ATP8B1: variants seen among roughly 807,000 people sequenced by gnomAD.
ATP8B1 encodes the protein phospholipid-transporting ATPase IC.
Under a neutral mutation model 149.9 loss-of-function variants are expected in ATP8B1, and 80 were observed. The ratio of observed to expected loss-of-function variants is 0.53; its 90% CI spans 0.45 to 0.64. ATP8B1 has a LOEUF of 0.64. Ranked by LOEUF, ATP8B1 falls within the 30% of genes least tolerant of loss-of-function variation. The probability of loss-of-function intolerance (pLI) is 0.00; values close to 1 mark genes in which losing one functional copy is unlikely to be tolerated. For synonymous variants in ATP8B1, 536 were observed against 562.8 expected, an observed-to-expected ratio of 0.95 and a Z score of 0.67; for missense variants, 1,247 against 1,552.6, an observed-to-expected ratio of 0.80 and a Z score of 3.31.
At chr18:57,667,361 TG>T (rs1910932666) in intron 19 of ATP8B1, 194 bp from the exon 20 acceptor site, 1 of 572,556 alleles carries the variant, frequency 1.7e-6, no homozygotes, top group Non-Finnish European at 3.1e-6. Flanking sequence ...CCCAAGTAGC[TG>T]GGACTACGCA....
chr18:57,664,811 C>G (rs1454623760), intron 20 of ATP8B1, among the ~76,000 whole-genome samples: 3 of 152,128 alleles, frequency 2.0e-5, no homozygotes, highest in African/African-American at 7.2e-5. Flanking sequence ...TGTGATTTGC[C>G]TGCTGCAGGT....
chr18:57,681,496 A>G (rs977907188), intron 15 of ATP8B1, among the ~76,000 whole-genome samples: 2 of 152,138 alleles, frequency 1.3e-5, no homozygotes, highest in Non-Finnish European at 2.9e-5. Context: ...TTCACTACAG[A>G]GTAGCAGAAA....
rs1267956118 is a variant in ATP8B1, at chr18:57,648,600, C to T, written c.3644G>A (p.Arg1215Gln). 7 of 1,610,972 alleles carry T rather than the reference C, an allele frequency of 4.3e-6. No individual in the cohort carries two copies. In the African/African-American group the frequency reaches 5.3e-5, roughly 12 times the overall value. ...RRSAYAFSHQ[R>Q]GYADLISSGR... ...GGAGGAGATGAGGTCCGCGTAGCCC[C>T]GCTGGTGCGAGAAGGCGTAGGCCGA... The change falls in exon 28 of 28, where the codon CGG (arginine) becomes CAG (glutamine). Residue 1215 changes from arginine (R) to glutamine (Q), a missense_variant. This residue lies in a region of ATP8B1 where 164 missense variants were observed against 160.3 expected (regional missense o/e 1.02). Transcript: ENST00000648908.
intron 4 of ATP8B1, 41 bp downstream of exon 4, chr18:57,704,514 C>A: frequency 7.8e-7 from 1 of 1,283,548 alleles, no homozygotes; most frequent in South Asian, 1.2e-5. Context: ...GTTATCGAGT[C>A]ACTATAATTC....
At chr18:57,709,841 G>A (rs113165423) in intron 2 of ATP8B1, among the ~76,000 whole-genome samples, 4,122 of 151,614 alleles carry the variant, frequency 0.027, 180 homozygotes, top group African/African-American at 0.092. Flanking sequence ...CACCACGCCC[G>A]GCTAATTTTT....
In ATP8B1 at chr18:57,762,392, G is replaced by GC. The variant is rs572469900; in HGVS notation, c.-25-30561dup. ...GACCTCAAGTGATCTGCCCGCGTCAGCCCCCCGAAGTGCTGAGATTACAGG... is the reference window on the plus strand; with the variant it reads ...GACCTCAAGTGATCTGCCCGCGTCAGCCCCCCCGAAGTGCTGAGATTACAGG... On this transcript the variant is annotated intron_variant, in intron 1 of 27. Coordinates refer to ENST00000648908, the MANE Select transcript of ATP8B1 (RefSeq NM_001374385.1). Among the ~76,000 whole-genome samples the GC allele has an allele frequency of 8.2e-3, 1,246 of 152,180 alleles. 21 individuals are homozygous for GC. The highest frequency in any genetic ancestry group is 0.028 in the African/African-American group (1,156 of 41,524).
chr18:57,650,595 C>T, intron 26 of ATP8B1, 98 bp from the exon 27 acceptor site: 2 of 1,480,178 alleles, frequency 1.4e-6, no homozygotes, highest in South Asian at 2.3e-5. Flanking sequence ...GTAATCCTAA[C>T]ACTTTGAGAG....
chr18:57,732,726 C>CT (rs2079799514), intron 1 of ATP8B1, among the ~76,000 whole-genome samples: 1 of 152,084 alleles, frequency 6.6e-6, no homozygotes, highest in Non-Finnish European at 1.5e-5. Context: ...CCACGCCCGG[C>CT]TAATTTTTGT....
chr18:57,686,604 A>AC (rs1912263361), intron 13 of ATP8B1, among the ~76,000 whole-genome samples: 1 of 152,138 alleles, frequency 6.6e-6, no homozygotes, highest in Admixed American at 6.5e-5. Flanking sequence ...TACTTTTAGT[A>AC]GAGATGGGGT....
chr18:57,791,070 G>C (rs1392070511), intron 1 of ATP8B1, among the ~76,000 whole-genome samples: 1 of 152,040 alleles, frequency 6.6e-6, no homozygotes, highest in Non-Finnish European at 1.5e-5. Context: ...TTCTGCAATT[G>C]CTACCACCAC....
chr18:57,653,282 CTTTTTTTTT>C (rs199543849), intron 24 of ATP8B1, among the ~76,000 whole-genome samples: 1 of 114,470 alleles, frequency 8.7e-6, no homozygotes, highest in African/African-American at 3.2e-5. Flanking sequence ...CTTTTCTTTT[CTTTTTTTTT>C]TTTTTTTTTT....
At chr18:57,691,688 A>AT in intron 12 of ATP8B1, 119 bp downstream of exon 12, 1 of 1,304,550 alleles carries the variant, frequency 7.7e-7, no homozygotes, top group Non-Finnish European at 1.0e-6. Context: ...AATGAACGTG[A>AT]TTTTCTTACC....
At chr18:57,785,984 C>T (rs1223832948) in intron 1 of ATP8B1, among the ~76,000 whole-genome samples, 1 of 152,144 alleles carries the variant, frequency 6.6e-6, no homozygotes, top group Non-Finnish European at 1.5e-5. Flanking sequence ...ATTATTGGTT[C>T]GATGTTGTTC....
chr18:57,699,466 G>T (rs1435144295), intron 6 of ATP8B1, among the ~76,000 whole-genome samples: 3 of 152,016 alleles, frequency 2.0e-5, no homozygotes, highest in African/African-American at 4.8e-5. Flanking sequence ...GCCGGGCCCG[G>T]TGGCTCACGC....
chr18:57,721,212 C>G (rs1324256192), intron 2 of ATP8B1, among the ~76,000 whole-genome samples: 1 of 139,522 alleles, frequency 7.2e-6, no homozygotes, highest in Non-Finnish European at 1.6e-5. Flanking sequence ...CACCAGCTAA[C>G]ATCATAATGA....
rs1176183408 is a variant in ATP8B1 at position 57,784,460 on chromosome 18, A to T, written c.-26+18538T>A. 6.6e-6 allele frequency among the ~76,000 whole-genome samples: 1 copy of T among 152,128 alleles called. No individual in the cohort carries two copies. The highest frequency in any genetic ancestry group is 6.6e-5 in the Admixed American group (1 of 15,256). Reference sequence around the variant, plus strand: ...AGCGGAGATAGAGGTTATCAGGTGGAGTCAAGGTCTTCCAGAGGTAGAAGC... The same window carrying T: ...AGCGGAGATAGAGGTTATCAGGTGGTGTCAAGGTCTTCCAGAGGTAGAAGC... On this transcript the variant is annotated intron_variant, in intron 1 of 27. Coordinates refer to ENST00000648908, the MANE Select transcript of ATP8B1 (RefSeq NM_001374385.1). This position sits in a 1 kb window ranked among gnomAD's most constrained non-coding sequence, Gnocchi z 4.4.
At chr18:57,728,296 T>A (rs2079728387) in intron 2 of ATP8B1, among the ~76,000 whole-genome samples, 1 of 152,120 alleles carries the variant, frequency 6.6e-6, no homozygotes, top group Non-Finnish European at 1.5e-5. Context: ...TGTTCTGATG[T>A]CTTAAAGAAC....
chr18:57,699,653 G>A (rs996077571), intron 6 of ATP8B1, among the ~76,000 whole-genome samples: 2 of 152,106 alleles, frequency 1.3e-5, no homozygotes, highest in East Asian at 1.9e-4. Context: ...CCCGGGAGGC[G>A]GAGCTTGCAG....
At chr18:57,783,699 GGTGGCACGC>G (rs1361617601) in intron 1 of ATP8B1, among the ~76,000 whole-genome samples, 3 of 152,154 alleles carry the variant, frequency 2.0e-5, no homozygotes, top group African/African-American at 7.2e-5. Flanking sequence ...AGCCAGGCAT[GGTGGCACGC>G]GCTTGTAATC....
Sources: gnomAD v4.1 joint callset for allele counts (sites outside exome capture counted in the v4.1 genomes callset) on GRCh38, gnomAD v4.1.1 for gene constraint, gnomAD v4.1.1 regional missense constraint, Gnocchi (gnomAD v3.1) non-coding constraint, MANE v1.5 for transcripts, NCBI Gene and HGNC (gene_info 2026-07-23, HGNC 2026-07-21) for gene names.